UGT2B4: variants seen among roughly 807,000 people sequenced by gnomAD.
The protein encoded by UGT2B4 is UDP-glucuronosyltransferase 2B4.
UGT2B4 carries 49 observed loss-of-function variants against 49.8 expected under a neutral mutation model. The ratio of observed to expected loss-of-function variants is 0.98; its 90% confidence interval spans 0.78 to 1.25. UGT2B4 has a LOEUF of 1.25. Ranked by LOEUF, UGT2B4 falls within the 50% of genes most tolerant of loss-of-function variation. The pLI is 0.00. For missense variants in UGT2B4, 729 were observed against 627.7 expected, an observed-to-expected ratio of 1.16 and a Z score of -1.73; for synonymous variants, 246 against 217.7, an observed-to-expected ratio of 1.13 and a Z score of -1.14.
chr4:69,487,598 G>A (rs918566822), intron 3 of UGT2B4, among the ~76,000 whole-genome samples: 67 of 152,162 alleles, frequency 4.4e-4, no homozygotes, highest in African/African-American at 1.6e-3. Context: ...ATTGGAGGGT[G>A]GGGGTTGGGA....
chr4:69,500,451 T>A (rs145994138), upstream of UGT2B4, among the ~76,000 whole-genome samples: 413 of 126,668 alleles, frequency 3.3e-3, 2 homozygotes, highest in African/African-American at 0.012. Flanking sequence ...TAAATGACCT[T>A]TGAACAAGGA....
chr4:69,506,226 G>A (rs1728463214), intron 1 of UGT2B4, among the ~76,000 whole-genome samples: 2 of 151,932 alleles, frequency 1.3e-5, no homozygotes, highest in African/African-American at 4.8e-5. Flanking sequence ...ATGAAAATCA[G>A]AGATGAACTG....
At chr4:69,488,640 C>T (rs1727866130) in intron 3 of UGT2B4, among the ~76,000 whole-genome samples, 1 of 151,866 alleles carries the variant, frequency 6.6e-6, no homozygotes. Context: ...CTGCTTGAGT[C>T]CTTTCTATAT....
chr4:69,493,114 G>T (rs908890688), intron 2 of UGT2B4, among the ~76,000 whole-genome samples: 1 of 151,916 alleles, frequency 6.6e-6, no homozygotes, highest in Non-Finnish European at 1.5e-5. Context: ...CTTGAGAACT[G>T]TCCTGAACAC....
At chr4:69,525,650 C>A in intron 1 of UGT2B4, 3 of 1,237,072 alleles carry the variant, frequency 2.4e-6, no homozygotes, top group Non-Finnish European at 3.1e-6. Context: ...GCCATTTTTT[C>A]ACATTACACA....
intron 1 of UGT2B4, among the ~76,000 whole-genome samples, chr4:69,514,655 A>G (rs1469672507): frequency 1.3e-5 from 2 of 152,112 alleles, no homozygotes; most frequent in Non-Finnish European, 2.9e-5. Flanking sequence ...CTTTATTGAA[A>G]ATTTTTAATA....
chr4:69,509,868 C>T (rs1241993011), intron 1 of UGT2B4, among the ~76,000 whole-genome samples: 2 of 151,610 alleles, frequency 1.3e-5, no homozygotes, highest in East Asian at 1.9e-4. Context: ...TCACACAATT[C>T]CACCTGTTTG....
intron 1 of UGT2B4, among the ~76,000 whole-genome samples, chr4:69,514,276 C>A (rs973437028): frequency 6.6e-6 from 1 of 152,058 alleles, no homozygotes; most frequent in African/African-American, 2.4e-5. Flanking sequence ...GTGTGATATT[C>A]CCCTTCCTGT....
Position 69,485,292 on chromosome 4 carries a change from T to C in UGT2B4, c.1226A>G (p.Lys409Arg). The change falls in exon 5 of 6, where the codon AAG (lysine) becomes AGG (arginine). Residue 409 changes from lysine (K) to arginine (R), a missense_variant. Physicochemically the swap from Lys to Arg is conservative, Grantham distance 26. Coordinates refer to ENST00000305107, the MANE Select transcript of UGT2B4 (RefSeq NM_021139.3). ...QPDNIAHMKA[K>R]GAAVSLDFHT... ...GAAGTCCAAACTAACAGCTGCTCCCTTGGCCTTCATGTGTGCAATGTTATC... is the reference window on the plus strand; with the variant it reads ...GAAGTCCAAACTAACAGCTGCTCCCCTGGCCTTCATGTGTGCAATGTTATC... 6.2e-7 allele frequency: 1 copy of C among 1,614,052 alleles called. No homozygotes were observed. The highest frequency in any genetic ancestry group is 8.5e-7 in the Non-Finnish European group (1 of 1,179,950).
chr4:69,509,587 AT>A (rs1323502038), intron 1 of UGT2B4, among the ~76,000 whole-genome samples: 1 of 152,148 alleles, frequency 6.6e-6, no homozygotes, highest in Non-Finnish European at 1.5e-5. Flanking sequence ...TTTTCTGATG[AT>A]TAATTATATT....
At chr4:69,481,418 T>C (rs1727587969) in intron 5 of UGT2B4, among the ~76,000 whole-genome samples, 1 of 152,254 alleles carries the variant, frequency 6.6e-6, no homozygotes, top group African/African-American at 2.4e-5. Context: ...GGCTTTTAAA[T>C]TGGAATTTCA....
At chr4:69,503,776 C>T (rs1728402244) in intron 1 of UGT2B4, among the ~76,000 whole-genome samples, 1 of 152,206 alleles carries the variant, frequency 6.6e-6, no homozygotes, top group Admixed American at 6.5e-5. Context: ...CTCCAGTTGC[C>T]TTGCTTCAGC....
chr4:69,493,837 T>C lies in UGT2B4; in HGVS notation c.726A>G (p.Arg242=), dbSNP rs1214583205. ...WDQFYSEVLG[R]PTTLSETMAK... is the part of the protein sequence containing the mutation. ...CCATTGTCTCAGATAACGTAGTGGG[T>C]CTTCCTGATGGGGGAAAAAAAAAGA... The change falls in exon 2 of 6, where the codon AGA becomes AGG. Residue 242 remains arginine, a synonymous_variant. Coordinates refer to ENST00000305107, the MANE Select transcript of UGT2B4 (RefSeq NM_021139.3). 5 of 1,590,210 alleles carry C rather than the reference T, an allele frequency of 3.1e-6. No homozygotes were observed. In the African/African-American group the frequency reaches 6.8e-5, roughly 22 times the overall value.
intron 5 of UGT2B4, 56 bp from the exon 6 acceptor site, chr4:69,480,966 C>T (rs756033709): frequency 3.8e-6 from 6 of 1,579,912 alleles, no homozygotes; most frequent in Admixed American, 1.7e-5. Flanking sequence ...TGGCCAGGCA[C>T]GGAGGCTCAC....
intron 4 of UGT2B4, among the ~76,000 whole-genome samples, chr4:69,485,949 CAG>C (rs1199670883): frequency 6.6e-6 from 1 of 151,978 alleles, no homozygotes; most frequent in African/African-American, 2.4e-5. Context: ...TTAATAGAGA[CAG>C]AGTTTCACCA....
At chr4:69,500,393 A>C (rs533971045), upstream of UGT2B4, among the ~76,000 whole-genome samples, 1 of 152,040 alleles carries the variant, frequency 6.6e-6, no homozygotes, top group Admixed American at 6.6e-5. Flanking sequence ...CCTGAAACTT[A>C]AGACAAAACA....
rs749153047 is a variant in UGT2B4, at chr4:69,485,158, A to C, written c.1310+50T>G. 17 of 1,595,096 alleles carry C rather than the reference A, an allele frequency of 1.1e-5. No homozygotes were observed. In the East Asian group the frequency reaches 3.4e-4, roughly 31 times the overall value. ...GATAAAAGTCATACTCACTATTCAC[A>C]AGGGAACCTATCTATAAAGACCACC... is the stretch of plus-strand genomic sequence containing the variant. On this transcript the variant is annotated intron_variant, in intron 5 of 5. Coordinates refer to ENST00000305107, the MANE Select transcript of UGT2B4 (RefSeq NM_021139.3).
chr4:69,485,879 G>A (rs558744704), intron 4 of UGT2B4, among the ~76,000 whole-genome samples: 1 of 152,204 alleles, frequency 6.6e-6, no homozygotes, highest in East Asian at 1.9e-4. Context: ...CTCCTACTCA[G>A]CCTTCTGAGT....
chr4:69,504,145 A>C (rs1421185867), intron 1 of UGT2B4, among the ~76,000 whole-genome samples: 1 of 152,084 alleles, frequency 6.6e-6, no homozygotes, highest in African/African-American at 2.4e-5. Flanking sequence ...AATGCTGAAA[A>C]CTCAAAAAGC....
Sources: gnomAD v4.1 joint callset for allele counts (sites outside exome capture counted in the v4.1 genomes callset) on GRCh38, gnomAD v4.1.1 for gene constraint, MANE v1.5 for transcripts, NCBI Gene and HGNC (gene_info 2026-07-23, HGNC 2026-07-21) for gene names.